The following CWC27 variants were observed in gnomAD, a reference collection of about 807,000 sequenced individuals.
CWC27 encodes CWC27 spliceosome associated cyclophilin.
Under a neutral mutation model 63.6 loss-of-function variants are expected in CWC27, and 47 were observed. The observed-to-expected ratio is 0.74, with a 90% CI of 0.58 to 0.94. The LOEUF (loss-of-function observed/expected upper bound fraction) is 0.94, where lower values mean the gene tolerates loss of function less well. Among genes scored for constraint, CWC27 ranks in the 40% least tolerant of loss-of-function variants. The probability of loss-of-function intolerance (pLI) is 0.00; values close to 1 mark genes in which losing one functional copy is unlikely to be tolerated. For missense variants in CWC27, 495 were observed against 554.3 expected (o/e 0.89, Z 1.07); for synonymous variants, 175 against 179.8 (o/e 0.97, Z 0.22).
At chr5:64,901,108 G>A (rs1456793148) in intron 11 of CWC27, among the ~76,000 whole-genome samples, 1 of 151,960 alleles carries the variant, frequency 6.6e-6, no homozygotes, top group African/African-American at 2.4e-5. Flanking sequence ...GATACCCCTG[G>A]TATAGGCTAT....
chr5:64,885,737 G>GTGTGTGTGTGTGTGTGTGTT (rs778534933), intron 11 of CWC27, among the ~76,000 whole-genome samples, 191 bp downstream of exon 11: 3 of 141,534 alleles, frequency 2.1e-5, no homozygotes, highest in Non-Finnish European at 3.0e-5. Context: ...GTGTGTGTGT[G>GTGTGTGTGTGTGTGTGTGTT]TTTTTAATAC....
intron 13 of CWC27, among the ~76,000 whole-genome samples, chr5:65,003,975 G>A (rs1168395762): frequency 6.6e-6 from 1 of 151,904 alleles, no homozygotes; most frequent in African/African-American, 2.4e-5. Context: ...CTCCCAAGTA[G>A]CTGGGGTTAC....
intron 12 of CWC27, among the ~76,000 whole-genome samples, chr5:64,976,601 T>C (rs1309583): frequency 0.38 from 58,088 of 151,862 alleles, 11,660 homozygotes; most frequent in Non-Finnish European, 0.45. Flanking sequence ...GGCACAATCA[T>C]AGGTCACTAC....
intron 10 of CWC27, among the ~76,000 whole-genome samples, chr5:64,843,085 C>T (rs1745886907): frequency 1.3e-5 from 2 of 152,154 alleles, no homozygotes; most frequent in Non-Finnish European, 2.9e-5. Context: ...TTTGATTTAT[C>T]TGTGTTTTTC....
At chr5:64,976,510 A>T (rs913308142) in intron 12 of CWC27, among the ~76,000 whole-genome samples, 1 of 151,988 alleles carries the variant, frequency 6.6e-6, no homozygotes, top group Non-Finnish European at 1.5e-5. Context: ...ATAAATGAGC[A>T]TACATTTTTT....
chr5:65,010,185 G>A (rs915912765), intron 13 of CWC27, among the ~76,000 whole-genome samples: 2 of 152,116 alleles, frequency 1.3e-5, no homozygotes, highest in African/African-American at 2.4e-5. Context: ...GAGGAAATGG[G>A]AATTAAACTG....
At chr5:64,803,352 T>C (rs1430989042) in intron 9 of CWC27, among the ~76,000 whole-genome samples, 1 of 152,194 alleles carries the variant, frequency 6.6e-6, no homozygotes. Context: ...GGCACTATTC[T>C]AGGAGTTGAA....
At chr5:64,809,326 T>C (rs1744796012) in intron 10 of CWC27, among the ~76,000 whole-genome samples, 1 of 152,340 alleles carries the variant, frequency 6.6e-6, no homozygotes, top group African/African-American at 2.4e-5. Flanking sequence ...TTTAGCAATT[T>C]TGAAGTACAT....
chr5:64,876,375 G>A (rs1746793690), intron 10 of CWC27, among the ~76,000 whole-genome samples: 1 of 152,062 alleles, frequency 6.6e-6, no homozygotes, highest in Non-Finnish European at 1.5e-5. Context: ...AGACCATGAA[G>A]GGTATACTGT....
intron 10 of CWC27, among the ~76,000 whole-genome samples, chr5:64,882,589 G>A (rs963723228): frequency 1.3e-5 from 2 of 148,260 alleles, no homozygotes; most frequent in Non-Finnish European, 3.1e-5. Flanking sequence ...CCTTTTAGTT[G>A]TTGTTGTTGT....
chr5:64,903,983 A>G (rs2112367753), intron 11 of CWC27, among the ~76,000 whole-genome samples: 1 of 152,272 alleles, frequency 6.6e-6, no homozygotes, highest in Middle Eastern at 3.4e-3. Flanking sequence ...CACTTGAAGG[A>G]CATGTGAGTT....
At chr5:64,773,579 A>G (rs1561398472) in intron 1 of CWC27, among the ~76,000 whole-genome samples, 1 of 152,152 alleles carries the variant, frequency 6.6e-6, no homozygotes, top group South Asian at 2.1e-4. Flanking sequence ...GTTATATTGC[A>G]TACTCTTTAC....
chr5:64,929,915 G>A (rs1748204598), intron 11 of CWC27, among the ~76,000 whole-genome samples: 1 of 150,986 alleles, frequency 6.6e-6, no homozygotes. Context: ...AAAAAAACTT[G>A]TACACAAATA....
At chr5:64,965,219 T>C (rs1748991243) in intron 11 of CWC27, among the ~76,000 whole-genome samples, 1 of 152,224 alleles carries the variant, frequency 6.6e-6, no homozygotes, top group Non-Finnish European at 1.5e-5. Flanking sequence ...ACCCTGTGAT[T>C]TACCCATTCT....
intron 11 of CWC27, among the ~76,000 whole-genome samples, chr5:64,947,984 G>T (rs1290607716): frequency 6.6e-6 from 1 of 152,014 alleles, no homozygotes; most frequent in Non-Finnish European, 1.5e-5. Flanking sequence ...TATGGTCCTT[G>T]TCAGTTCTGC....
intron 10 of CWC27, among the ~76,000 whole-genome samples, chr5:64,817,795 G>A (rs1409959577): frequency 1.3e-5 from 2 of 151,998 alleles, no homozygotes; most frequent in Non-Finnish European, 2.9e-5. Context: ...TAATTTATGT[G>A]TGTGCATATA....
chr5:64,771,481 A>G (rs1271581877), intron 1 of CWC27, among the ~76,000 whole-genome samples: 1 of 152,186 alleles, frequency 6.6e-6, no homozygotes, highest in Non-Finnish European at 1.5e-5. Flanking sequence ...GAGGCAAAGA[A>G]ATGTAGTACT....
intron 11 of CWC27, among the ~76,000 whole-genome samples, chr5:64,889,868 G>C (rs72756898): frequency 0.011 from 1,689 of 152,296 alleles, 10 homozygotes; most frequent in Non-Finnish European, 0.017. Flanking sequence ...GGTTGTTGTG[G>C]GGGGTGGGAG....
rs545468259 is a variant in CWC27, at chr5:64,878,594, G to T, written c.939-6849G>T. Among the ~76,000 whole-genome samples the T allele has an allele frequency of 1.4e-5, 2 of 146,842 alleles. 1 individual carries two copies. Among genetic ancestry groups the T allele is most frequent in the Admixed American group, 1.4e-4 (2 of 14,556 alleles). ...GAATATAGACACAATGTATAGATGA[G>T]AAAACTGAGGATCAATGAGGTTGAC... On this transcript the variant is annotated intron_variant, in intron 10 of 13. Transcript: ENST00000381070.
Sources: gnomAD v4.1 joint callset for allele counts (sites outside exome capture counted in the v4.1 genomes callset) on GRCh38, gnomAD v4.1.1 for gene constraint, MANE v1.5 for transcripts, NCBI Gene and HGNC (gene_info 2026-07-23, HGNC 2026-07-21) for gene names.